The following PCM1 variants were observed in gnomAD, a reference collection of about 807,000 sequenced individuals.
PCM1 encodes pericentriolar material 1.
Under a neutral mutation model 241.9 loss-of-function variants are expected in PCM1, and 157 were observed. The observed-to-expected ratio is 0.65, with a 90% confidence interval of 0.57 to 0.74. The LOEUF is 0.74. Ranked by LOEUF, PCM1 falls within the 30% of genes least tolerant of loss-of-function variation. The pLI, the probability that PCM1 is intolerant of heterozygous loss-of-function variation, is 0.00. For missense variants in PCM1, 3,478 were observed against 2,360.1 expected (o/e 1.47, Z -9.81); for synonymous variants, 1,085 against 784.9 (o/e 1.38, Z -6.39).
At chr8:17,948,358 G>A (rs555197473) in intron 7 of PCM1, among the ~76,000 whole-genome samples, 1 of 125,930 alleles carries the variant, frequency 7.9e-6, no homozygotes, top group South Asian at 2.5e-4. Flanking sequence ...AGGCTGGAGT[G>A]CAATGGCATG....
rs998970749 is a variant in PCM1 at position 18,028,665 on chromosome 8, ATTT to A, written c.*1004_*1006del. ...TAAGTCAGCTTTTGAAAAGTGATTG[ATTT>A]GCTTTTTATCCCAAACTGTCCATAT... On this transcript the variant is annotated 3_prime_UTR_variant, in exon 39 of 39. Transcript: ENST00000325083. 37 of 173,620 alleles carry A rather than the reference ATTT, an allele frequency of 2.1e-4. 1 individual carries two copies. The Admixed American group carries it at 2.3e-3, about 11-fold the overall frequency. 10.8% of individuals were successfully genotyped at this position (173,620 alleles called of 1,614,324 possible). A position where few individuals can be genotyped will look rare whatever the true frequency, so the allele number is the denominator to read the frequency against.
chr8:17,984,091 G>A, intron 24 of PCM1, among the ~76,000 whole-genome samples: 1 of 152,124 alleles, frequency 6.6e-6, no homozygotes, highest in East Asian at 1.9e-4. Flanking sequence ...GACTGCAGAA[G>A]TGGTGGGGGA....
At chr8:18,014,438 T>C (rs2092920684) in intron 35 of PCM1, 146 bp from the exon 36 acceptor site, 2 of 570,876 alleles carry the variant, frequency 3.5e-6, no homozygotes, top group Non-Finnish European at 5.5e-6. Flanking sequence ...TGGGAACCAT[T>C]GATAAGGAAA....
At position 17,947,017 on chromosome 8, in the gene PCM1, CTG is replaced by C. The variant is rs1344526261; in HGVS notation, c.784-165_784-164del. ...TAAGTGGCAGGCTATATATATATCT[CTG>C]TGTCATCATTCTGTTCTTACTCTTT... On this transcript the variant is annotated intron_variant, in intron 6 of 38. Transcript: ENST00000325083. Among the ~76,000 whole-genome samples, 4 of 152,190 alleles carry C rather than the reference CTG, an allele frequency of 2.6e-5. No homozygotes were observed. The East Asian group carries it at 7.7e-4, about 29-fold the overall frequency.
intron 24 of PCM1, chr8:17,982,727 C>G (rs1157515782): frequency 6.6e-6 from 1 of 152,332 alleles, no homozygotes; most frequent in Non-Finnish European, 1.5e-5. Flanking sequence ...ATCTCCTGAC[C>G]TCGTGATCCG....
intron 28 of PCM1, 117 bp downstream of exon 28, chr8:17,991,817 A>C: frequency 1.5e-6 from 1 of 669,842 alleles, no homozygotes; most frequent in Admixed American, 3.0e-5. Flanking sequence ...AGCAGTATAC[A>C]CTGTACCCAG....
At chr8:17,982,499 A>C (rs2081206014) in intron 24 of PCM1, 1 of 152,132 alleles carries the variant, frequency 6.6e-6, no homozygotes, top group South Asian at 2.1e-4. Flanking sequence ...AGATTAAAAA[A>C]AAAATTTTTT....
intron 29 of PCM1, among the ~76,000 whole-genome samples, chr8:17,998,256 G>A (rs972511581): frequency 2.0e-5 from 3 of 151,994 alleles, no homozygotes; most frequent in African/African-American, 4.8e-5. Context: ...GTGGATGTTT[G>A]TTGGTGTCTG....
chr8:17,947,067 ATATT>A (rs2064102720), intron 6 of PCM1, 115 bp from the exon 7 acceptor site: 2 of 575,660 alleles, frequency 3.5e-6, no homozygotes, highest in Non-Finnish European at 3.0e-6. Flanking sequence ...TACTAAAACT[ATATT>A]TAGGGTTGTA....
At chr8:17,960,742 T>A (rs903108068) in intron 15 of PCM1, among the ~76,000 whole-genome samples, 2 of 152,042 alleles carry the variant, frequency 1.3e-5, no homozygotes, top group Non-Finnish European at 2.9e-5. Context: ...GCCAGGATGG[T>A]TTCGATCTCC....
At chr8:18,000,183 A>G (rs183739117) in intron 29 of PCM1, among the ~76,000 whole-genome samples, 3 of 152,332 alleles carry the variant, frequency 2.0e-5, no homozygotes, top group Admixed American at 2.0e-4. Context: ...ACTGGCCTTA[A>G]GGTGAGAATT....
intron 29 of PCM1, among the ~76,000 whole-genome samples, chr8:18,001,133 A>C (rs139357443): frequency 1.5e-4 from 23 of 152,354 alleles, no homozygotes; most frequent in African/African-American, 5.5e-4. Flanking sequence ...TAAGTTGTAC[A>C]AAAGCGGAGC....
chr8:17,993,419 T>TA, intron 28 of PCM1, 64 bp from the exon 29 acceptor site: 1 of 1,070,254 alleles, frequency 9.3e-7, no homozygotes, highest in Non-Finnish European at 1.3e-6. Flanking sequence ...AATTTCAACA[T>TA]AAAGGCATAT....
chr8:17,957,038 CTT>C (rs1321616238), intron 11 of PCM1, among the ~76,000 whole-genome samples: 1 of 152,036 alleles, frequency 6.6e-6, no homozygotes, highest in East Asian at 1.9e-4. Context: ...ATTTTGCTGT[CTT>C]TTTCTTTTTA....
chr8:17,998,035 GAA>G (rs764623076), intron 29 of PCM1, among the ~76,000 whole-genome samples: 22 of 127,182 alleles, frequency 1.7e-4, no homozygotes, highest in African/African-American at 4.8e-4. Context: ...GGCTCCGTCT[GAA>G]AAAAAAAAAA....
chr8:17,949,203 T>C (rs1563814259), intron 7 of PCM1, among the ~76,000 whole-genome samples: 3 of 152,140 alleles, frequency 2.0e-5, no homozygotes, highest in African/African-American at 7.2e-5. Flanking sequence ...AGTCTTGTAT[T>C]TATGAGATTT....
chr8:17,980,433 A>G (rs1391272671), intron 23 of PCM1, 158 bp from the exon 24 acceptor site: 3 of 502,338 alleles, frequency 6.0e-6, no homozygotes, highest in Non-Finnish European at 1.0e-5. Flanking sequence ...TATTGCAAAG[A>G]TACCTCCAAG....
At position 18,027,856 on chromosome 8, in the gene PCM1, C is replaced by A; in HGVS notation, c.*194C>A. On this transcript the variant is annotated 3_prime_UTR_variant, in exon 39 of 39. Transcript: ENST00000325083. ...TTCTGGACAGATTTAAGCCTTGACACACTGTGTTTTTTTTTTTTTCCCCCT... is the reference window on the plus strand; with the variant it reads ...TTCTGGACAGATTTAAGCCTTGACAAACTGTGTTTTTTTTTTTTTCCCCCT... 1 of 397,712 alleles carries A rather than the reference C, an allele frequency of 2.5e-6. No individual in the cohort carries two copies. The highest frequency in any genetic ancestry group is 4.5e-6 in the Non-Finnish European group (1 of 224,234). 24.6% of individuals were successfully genotyped at this position (397,712 alleles called of 1,614,324 possible). A position where few individuals can be genotyped will look rare whatever the true frequency, so the allele number is the denominator to read the frequency against.
chr8:17,964,526 T>C (rs774746160), intron 17 of PCM1, 42 bp from the exon 18 acceptor site: 3 of 1,497,100 alleles, frequency 2.0e-6, no homozygotes, highest in East Asian at 4.5e-5. Context: ...GTATTTAACT[T>C]ATCTCCAGAA....
Sources: gnomAD v4.1 joint callset for allele counts (sites outside exome capture counted in the v4.1 genomes callset) on GRCh38, gnomAD v4.1.1 for gene constraint, MANE v1.5 for transcripts, NCBI Gene and HGNC (gene_info 2026-07-23, HGNC 2026-07-21) for gene names.